The following SNW1 variants were observed in gnomAD, a reference collection of about 807,000 sequenced individuals.
The protein encoded by SNW1 is SNW domain containing 1.
SNW1 carries 9 observed loss-of-function variants against 75.6 expected under a neutral mutation model. That is an observed-to-expected ratio of 0.12 (90% confidence interval 0.07 to 0.21). SNW1 has a LOEUF of 0.21. Among genes scored for constraint, SNW1 ranks in the 10% least tolerant of loss-of-function variants. The pLI is 1.00. For missense variants in SNW1, 409 were observed against 670.9 expected (o/e 0.61, Z 4.31); for synonymous variants, 200 against 219.1 (o/e 0.91, Z 0.77).
At chr14:77,750,253 G>A (rs574920887) in intron 3 of SNW1, among the ~76,000 whole-genome samples, 8 of 152,214 alleles carry the variant, frequency 5.3e-5, no homozygotes, top group Admixed American at 1.3e-4. Flanking sequence ...GACAGAAGAA[G>A]GCATTTCGTG....
Position 77,736,015 on chromosome 14 carries a change from TA to T in SNW1, c.639-10del. ...GAATTTTCTTATTAATCCTGAAGTA[TA>T]AAAACACAACCAGAGAGTGATATAG... On this transcript the variant is annotated splice_polypyrimidine_tract_variant and intron_variant, in intron 6 of 13. Coordinates refer to ENST00000261531, the MANE Select transcript of SNW1 (RefSeq NM_012245.3). 1 of 1,605,000 alleles carries T rather than the reference TA, an allele frequency of 6.2e-7. No individual in the cohort carries two copies. The highest frequency in any genetic ancestry group is 8.5e-7 in the Non-Finnish European group (1 of 1,172,182).
At chr14:77,752,021 A>G (rs966767192) in intron 2 of SNW1, among the ~76,000 whole-genome samples, 3 of 152,206 alleles carry the variant, frequency 2.0e-5, no homozygotes, top group African/African-American at 7.2e-5. Flanking sequence ...ACCAGATCAC[A>G]AAGGGACTTA....
At chr14:77,743,407 G>C (rs926386347) in intron 3 of SNW1, among the ~76,000 whole-genome samples, 1 of 152,108 alleles carries the variant, frequency 6.6e-6, no homozygotes, top group South Asian at 2.1e-4. Context: ...TTACGTCTTA[G>C]AATCCTCACT....
At chr14:77,732,219 C>G (rs1595079423) in intron 9 of SNW1, among the ~76,000 whole-genome samples, 1 of 152,236 alleles carries the variant, frequency 6.6e-6, no homozygotes, top group East Asian at 1.9e-4. Context: ...ACCTAGCAAT[C>G]TTCAAAAAAT....
intron 7 of SNW1, 82 bp from the exon 8 acceptor site, chr14:77,735,094 C>T (rs2080659996): frequency 1.0e-6 from 1 of 999,698 alleles, no homozygotes; most frequent in Non-Finnish European, 1.6e-6. Flanking sequence ...TCTTCAAAGA[C>T]AGCTCCATAT....
intron 3 of SNW1, among the ~76,000 whole-genome samples, chr14:77,741,266 C>T (rs1217314329): frequency 6.6e-6 from 1 of 152,016 alleles, no homozygotes; most frequent in Non-Finnish European, 1.5e-5. Flanking sequence ...GTAATCACAG[C>T]ATTTTGGAAG....
chr14:77,731,200 C>T, intron 9 of SNW1, 71 bp from the exon 10 acceptor site: 1 of 1,507,344 alleles, frequency 6.6e-7, no homozygotes, highest in Non-Finnish European at 9.0e-7. Flanking sequence ...ATCCAACTCC[C>T]TAACATCTGG....
chr14:77,731,170 G>A lies in SNW1; in HGVS notation c.892-41C>T, dbSNP rs778383955. 3 of 1,597,350 alleles carry A rather than the reference G, an allele frequency of 1.9e-6. No homozygotes were observed. In the Admixed American group the frequency reaches 5.2e-5, roughly 28 times the overall value. On this transcript the variant is annotated intron_variant, in intron 9 of 13. Coordinates refer to ENST00000261531, the MANE Select transcript of SNW1 (RefSeq NM_012245.3). ...CATGTTAAACAGGACACTATCATGG[G>A]ATAAATATTTATGGCTATCATCCAA... is the stretch of plus-strand genomic sequence containing the variant.
intron 3 of SNW1, among the ~76,000 whole-genome samples, chr14:77,748,253 C>T (rs1399614979): frequency 6.6e-6 from 1 of 152,064 alleles, no homozygotes; most frequent in Non-Finnish European, 1.5e-5. Context: ...ATCTCAAGTA[C>T]CCAGGGACAC....
At chr14:77,734,018 C>A in intron 8 of SNW1, 1 of 370,622 alleles carries the variant, frequency 2.7e-6, no homozygotes, top group South Asian at 2.0e-5. Flanking sequence ...CAACTCAAAT[C>A]AGACCAGTCG....
intron 3 of SNW1, among the ~76,000 whole-genome samples, chr14:77,746,017 G>A (rs1272461683): frequency 6.6e-6 from 1 of 152,196 alleles, no homozygotes; most frequent in Non-Finnish European, 1.5e-5. Context: ...GAGCAAGACT[G>A]TCTCGAAAAC....
Position 77,761,099 on chromosome 14 carries a change from C to T in SNW1, c.14+15G>A. 1 of 1,614,270 alleles carries T rather than the reference C, an allele frequency of 6.2e-7. No individual in the cohort carries two copies. Among genetic ancestry groups the T allele is most frequent in the East Asian group, 2.2e-5 (1 of 44,884 alleles). ...CCAGACCCTTCCGTATCGAGGACCC[C>T]AATCAACAACCCACCTGGTGAGCGC... is the stretch of plus-strand genomic sequence containing the variant. On this transcript the variant is annotated intron_variant, in intron 1 of 13. Coordinates refer to ENST00000261531, the MANE Select transcript of SNW1 (RefSeq NM_012245.3).
chr14:77,733,085 C>T (rs1242282756), intron 8 of SNW1, among the ~76,000 whole-genome samples: 1 of 152,210 alleles, frequency 6.6e-6, no homozygotes, highest in Non-Finnish European at 1.5e-5. Context: ...TGTAGAAGAT[C>T]AAGCACTTAC....
At chr14:77,721,031 G>A in intron 11 of SNW1, 1 of 545,958 alleles carries the variant, frequency 1.8e-6, no homozygotes, top group Non-Finnish European at 3.3e-6. Flanking sequence ...TTACAATTAG[G>A]ACGTCCTGTT....
At chr14:77,753,246 A>G (rs934719059) in intron 2 of SNW1, among the ~76,000 whole-genome samples, 107 of 152,328 alleles carry the variant, frequency 7.0e-4, no homozygotes, top group African/African-American at 2.5e-3. Context: ...TAAAAATCTA[A>G]TAGCAACCAA....
intron 10 of SNW1, among the ~76,000 whole-genome samples, chr14:77,724,069 G>C (rs191518974): frequency 6.6e-6 from 1 of 152,192 alleles, no homozygotes; most frequent in Non-Finnish European, 1.5e-5. Flanking sequence ...AAATATTTAA[G>C]GGTAAAATGT....
In SNW1 at chr14:77,740,157, A is replaced by AAG. The variant is rs201162197; in HGVS notation, c.331-1098_331-1097dup. On this transcript the variant is annotated intron_variant, in intron 3 of 13. Coordinates refer to ENST00000261531, the MANE Select transcript of SNW1 (RefSeq NM_012245.3). ...TATTAAAAAAAAAAAAAAAAAAAAA[A>AAG]AGAGAGAGATACAGAAAATTCAATA... 6.5e-3 allele frequency among the ~76,000 whole-genome samples: 746 copies of AAG among 114,250 alleles called. 11 individuals carry two copies. Among genetic ancestry groups the AAG allele is most frequent in the Non-Finnish European group, 0.01 (605 of 59,862 alleles). 75.0% of individuals were successfully genotyped at this position (114,250 alleles called of 152,430 possible). A position where few individuals can be genotyped will look rare whatever the true frequency, so the allele number is the denominator to read the frequency against.
At chr14:77,722,151 T>A (rs1345375705) in intron 11 of SNW1, among the ~76,000 whole-genome samples, 1 of 152,212 alleles carries the variant, frequency 6.6e-6, no homozygotes, top group East Asian at 1.9e-4. Context: ...TATATTTGCA[T>A]TTAACCCTCA....
At chr14:77,726,112 T>C (rs959231987) in intron 10 of SNW1, among the ~76,000 whole-genome samples, 1 of 152,160 alleles carries the variant, frequency 6.6e-6, no homozygotes, top group Non-Finnish European at 1.5e-5. Context: ...GCTTTGGTTA[T>C]TTGGGGTCTT....
Sources: gnomAD v4.1 joint callset for allele counts (sites outside exome capture counted in the v4.1 genomes callset) on GRCh38, gnomAD v4.1.1 for gene constraint, MANE v1.5 for transcripts, NCBI Gene and HGNC (gene_info 2026-07-23, HGNC 2026-07-21) for gene names.